RAPGEF2: variants seen among roughly 807,000 people sequenced by gnomAD.
RAPGEF2 encodes the protein PDZ domain containing guanine nucleotide exchange factor (GEF) 1.
In RAPGEF2, 54 loss-of-function variants were observed where a neutral mutation model predicts 186.7. The ratio of observed to expected loss-of-function variants is 0.29; its 90% confidence interval spans 0.23 to 0.36. RAPGEF2 has a LOEUF of 0.36. Among genes scored for constraint, RAPGEF2 ranks in the 10% least tolerant of loss-of-function variants. The pLI is 1.00. For synonymous variants in RAPGEF2, 712 were observed against 705.9 expected (o/e 1.01, Z -0.14); for missense variants, 1,532 against 2,045.0 (o/e 0.75, Z 4.84).
chr4:159,315,888 A>G (rs1021420438), intron 9 of RAPGEF2, among the ~76,000 whole-genome samples: 28 of 152,348 alleles, frequency 1.8e-4, no homozygotes, highest in Middle Eastern at 3.4e-3. Flanking sequence ...ACAGGATCAC[A>G]GGGAGATGGT....
At chr4:159,198,413 C>CCTCT (rs70962662) in intron 3 of RAPGEF2, among the ~76,000 whole-genome samples, 66 of 111,356 alleles carry the variant, frequency 5.9e-4, no homozygotes, top group Admixed American at 1.4e-3. Flanking sequence ...TTCCTCTCTT[C>CCTCT]CTCTCTCTCT....
intron 1 of RAPGEF2, among the ~76,000 whole-genome samples, chr4:159,154,520 A>AG: frequency 1.5e-5 from 1 of 68,128 alleles, no homozygotes; most frequent in South Asian, 3.9e-4. Flanking sequence ...TTTTTTTTTT[A>AG]AAAAAAACAA....
At chr4:159,176,861 A>G (rs1449155859) in intron 1 of RAPGEF2, among the ~76,000 whole-genome samples, 2 of 152,198 alleles carry the variant, frequency 1.3e-5, no homozygotes, top group African/African-American at 4.8e-5. Flanking sequence ...TTTTTTAACG[A>G]CTTCATTTTA....
chr4:159,204,981 C>T (rs569943284), intron 3 of RAPGEF2, among the ~76,000 whole-genome samples: 65 of 152,246 alleles, frequency 4.3e-4, no homozygotes, highest in African/African-American at 1.3e-3. Context: ...TTCAGCAACA[C>T]TTGAAGGGGC....
At chr4:159,300,414 T>A (rs539959080) in intron 7 of RAPGEF2, among the ~76,000 whole-genome samples, 1 of 151,712 alleles carries the variant, frequency 6.6e-6, no homozygotes, top group Non-Finnish European at 1.5e-5. Flanking sequence ...GAACAAAAAA[T>A]TGAGCAGTAA....
At position 159,200,034 on chromosome 4, in the gene RAPGEF2, C is replaced by A. The variant is rs138711767; in HGVS notation, c.197+6778C>A. On this transcript the variant is annotated intron_variant, in intron 3 of 29. Transcript: ENST00000691494. Reference sequence around the variant, plus strand: ...TTTACCCTCAGTTTAGCTGACTCATCGATTTGATGTAATCTCTCTCTCTCT... The same window carrying A: ...TTTACCCTCAGTTTAGCTGACTCATAGATTTGATGTAATCTCTCTCTCTCT... 7.3e-5 allele frequency among the ~76,000 whole-genome samples: 11 copies of A among 150,648 alleles called. No homozygotes were observed. In the East Asian group the frequency reaches 2.1e-3, roughly 29 times the overall value.
intron 2 of RAPGEF2, among the ~76,000 whole-genome samples, chr4:159,190,990 G>A (rs149925569): frequency 3.9e-5 from 6 of 152,338 alleles, no homozygotes; most frequent in Non-Finnish European, 7.3e-5. Flanking sequence ...ACATATTCAA[G>A]TGGCAGCACT....
rs1008538068 is a variant in RAPGEF2, at chr4:159,104,170, C to T, written c.8C>T (p.Ser3Phe). MA[S>F]YVDNSFRQAV... The stretch of plus-strand genomic sequence containing the variant: ...CCCGCTCCCAGAGGGGAGATGGCGT[C>T]CTACGTAGATAACAGCTTCCGCCAG... Residue 3 changes from serine (S) to phenylalanine (F), a missense_variant, in exon 1 of 30, where the codon TCC (serine) becomes TTC (phenylalanine). Transcript: ENST00000691494. 3 of 1,528,074 alleles carry T rather than the reference C, an allele frequency of 2.0e-6. No homozygotes were observed. Among genetic ancestry groups the T allele is most frequent in the African/African-American group, 1.4e-5 (1 of 72,568 alleles). 94.7% of individuals were successfully genotyped at this position (1,528,074 alleles called of 1,614,324 possible). A position where few individuals can be genotyped will look rare whatever the true frequency, so the allele number is the denominator to read the frequency against.
In RAPGEF2 at chr4:159,103,869, A is replaced by AGAG. The variant is rs139404823; in HGVS notation, c.-279_-277dup. 0.2 allele frequency: 31,092 copies of AGAG among 154,004 alleles called. 3,140 individuals are homozygous for AGAG. The highest frequency in any genetic ancestry group is 0.25 in the Admixed American group (3,875 of 15,238). 9.5% of individuals were successfully genotyped at this position (154,004 alleles called of 1,614,324 possible). A position where few individuals can be genotyped will look rare whatever the true frequency, so the allele number is the denominator to read the frequency against. Reference sequence around the variant, plus strand: ...GAGGAAGCCGGCGGAGCGGCGAGGAAGAGGAGGAGGAGGAGGAAGGGGAGT... The same window carrying AGAG: ...GAGGAAGCCGGCGGAGCGGCGAGGAAGAGGAGGAGGAGGAGGAGGAAGGGGAGT... On this transcript the variant is annotated 5_prime_UTR_variant, in exon 1 of 30. Coordinates refer to ENST00000691494, the MANE Select transcript of RAPGEF2 (RefSeq NM_001394067.2).
At chr4:159,267,920 G>A in intron 7 of RAPGEF2, 1 of 1,265,414 alleles carries the variant, frequency 7.9e-7, no homozygotes, top group Non-Finnish European at 1.0e-6. Context: ...AGGATGGTTA[G>A]AGTTTCAATG....
Position 159,346,818 on chromosome 4 carries a change from G to A in RAPGEF2, c.3532G>A (p.Val1178Ile), listed in dbSNP as rs1730382244. 6.2e-7 allele frequency: 1 copy of A among 1,614,016 alleles called. No homozygotes were observed. Among genetic ancestry groups the A allele is most frequent in the Non-Finnish European group, 8.5e-7 (1 of 1,180,032 alleles). Reference protein sequence around the residue: ...LPKNPGDKKPVKSETSPVAPR... With the variant: ...LPKNPGDKKPIKSETSPVAPR... ...TAAGAATCCTGGTGACAAAAAGCCTGTCAAATCCGAGACCTCTCCAGTAGC... is the reference window on the plus strand; with the variant it reads ...TAAGAATCCTGGTGACAAAAAGCCTATCAAATCCGAGACCTCTCCAGTAGC... Residue 1178 changes from valine (V) to isoleucine (I), a missense_variant, in exon 25 of 30, where the codon GTC becomes ATC. By Grantham distance (29) the Val-to-Ile change is conservative. This residue lies in a region of RAPGEF2 where 117 missense variants were observed against 180.8 expected (regional missense o/e 0.65). Transcript: ENST00000691494.
chr4:159,132,440 G>C (rs1741211737), intron 1 of RAPGEF2, among the ~76,000 whole-genome samples: 1 of 152,186 alleles, frequency 6.6e-6, no homozygotes, highest in East Asian at 1.9e-4. Context: ...GTCTCCTTGT[G>C]TCTGTGGCAA....
At chr4:159,284,926 G>C (rs1402110503) in intron 7 of RAPGEF2, among the ~76,000 whole-genome samples, 1 of 152,066 alleles carries the variant, frequency 6.6e-6, no homozygotes, top group Non-Finnish European at 1.5e-5. Flanking sequence ...GGTGGAGCAT[G>C]CCTGTGGTTC....
intron 8 of RAPGEF2, among the ~76,000 whole-genome samples, chr4:159,306,105 A>C (rs894735434): frequency 6.6e-6 from 1 of 150,908 alleles, no homozygotes; most frequent in Non-Finnish European, 1.5e-5. Flanking sequence ...TGCTTTCACT[A>C]TTCAGGCTCT....
At chr4:159,345,453 A>G (rs967190576) in intron 24 of RAPGEF2, 124 bp downstream of exon 24, 24 of 800,368 alleles carry the variant, frequency 3.0e-5, no homozygotes, top group Middle Eastern at 2.7e-4. Flanking sequence ...CCTGAGATAT[A>G]CTAGTCTTTT....
chr4:159,273,686 CTTT>C, intron 7 of RAPGEF2, among the ~76,000 whole-genome samples: 2 of 141,854 alleles, frequency 1.4e-5, no homozygotes, highest in East Asian at 4.1e-4. Flanking sequence ...TTCTTTCTTT[CTTT>C]CTTTCTTTCT....
intron 25 of RAPGEF2, among the ~76,000 whole-genome samples, chr4:159,349,331 A>G (rs1260099639): frequency 6.6e-6 from 1 of 152,228 alleles, no homozygotes; most frequent in Non-Finnish European, 1.5e-5. Flanking sequence ...TTGTTGTTCA[A>G]AATAAAATTG....
At position 159,124,629 on chromosome 4, in the gene RAPGEF2, G is replaced by A. The variant is rs571166894; in HGVS notation, c.69+20398G>A. ...ATCTTTACGCAAAGAAGAATGAAGA[G>A]GAAGAGACTTATCCAGCCTAGTTTC... On this transcript the variant is annotated intron_variant, in intron 1 of 29. Coordinates refer to ENST00000691494, the MANE Select transcript of RAPGEF2 (RefSeq NM_001394067.2). 7.2e-5 allele frequency among the ~76,000 whole-genome samples: 11 copies of A among 152,262 alleles called. No individual in the cohort carries two copies. In the South Asian group the frequency reaches 2.3e-3, roughly 32 times the overall value.
chr4:159,184,673 T>G (rs1189545498), intron 1 of RAPGEF2, among the ~76,000 whole-genome samples: 2 of 152,198 alleles, frequency 1.3e-5, no homozygotes, highest in Non-Finnish European at 2.9e-5. Flanking sequence ...TTGCAAAAAT[T>G]TTCTCCCGTT....
Sources: gnomAD v4.1 joint callset for allele counts (sites outside exome capture counted in the v4.1 genomes callset) on GRCh38, gnomAD v4.1.1 for gene constraint, gnomAD v4.1.1 regional missense constraint, MANE v1.5 for transcripts, NCBI Gene and HGNC (gene_info 2026-07-23, HGNC 2026-07-21) for gene names.